NEO1: variants seen among roughly 807,000 people sequenced by gnomAD.
NEO1 encodes neogenin.
A neutral mutation model predicts 159.7 loss-of-function variants in NEO1; 63 were observed. The observed-to-expected ratio is 0.39, with a 90% CI of 0.32 to 0.49. NEO1 has a LOEUF of 0.49. Among genes scored for constraint, NEO1 ranks in the 20% least tolerant of loss-of-function variants. NEO1 has a pLI of 0.85. For synonymous variants in NEO1, 633 were observed against 662.0 expected, an observed-to-expected ratio of 0.96 and a Z score of 0.67; for missense variants, 1,615 against 1,831.0, an observed-to-expected ratio of 0.88 and a Z score of 2.15.
chr15:73,221,408 C>G (rs985276533), intron 7 of NEO1, among the ~76,000 whole-genome samples: 8 of 152,184 alleles, frequency 5.3e-5, no homozygotes, highest in Admixed American at 1.3e-4. Flanking sequence ...GCAGTCTGCC[C>G]GTTCTCAGAT....
intron 1 of NEO1, among the ~76,000 whole-genome samples, chr15:73,081,175 C>T (rs1267850283): frequency 6.6e-6 from 1 of 152,132 alleles, no homozygotes; most frequent in Non-Finnish European, 1.5e-5. Context: ...ATCTCTCTCC[C>T]CTTTTTCTCA....
intron 5 of NEO1, 99 bp from the exon 6 acceptor site, chr15:73,176,303 TA>T: frequency 3.8e-6 from 3 of 783,706 alleles, no homozygotes; most frequent in Non-Finnish European, 5.5e-6. Context: ...AAATAATGAG[TA>T]AAAATCCTGT....
chr15:73,052,308 C>T (rs1459172187), upstream of NEO1, among the ~76,000 whole-genome samples: 43 of 145,168 alleles, frequency 3.0e-4, no homozygotes, highest in African/African-American at 1.1e-3. Context: ...CCCCCGCCCC[C>T]GCCCCCGCCC....
chr15:73,189,538 CCTT>C (rs5813707), intron 7 of NEO1, among the ~76,000 whole-genome samples: 47,740 of 151,934 alleles, frequency 0.31, 8,603 homozygotes, highest in Admixed American at 0.44. Context: ...ATCTTCAAAA[CCTT>C]CTTTAAAAAT....
chr15:73,203,589 A>G (rs998469375), intron 7 of NEO1, among the ~76,000 whole-genome samples: 5 of 152,076 alleles, frequency 3.3e-5, no homozygotes, highest in African/African-American at 4.8e-5. Context: ...AGTACTTTAT[A>G]TAATCTTATC....
In NEO1 at chr15:73,088,257, A is replaced by T. The variant is rs74923401; in HGVS notation, c.131-28283A>T. On this transcript the variant is annotated intron_variant, in intron 1 of 28. Coordinates refer to ENST00000261908, the MANE Select transcript of NEO1 (RefSeq NM_002499.4). ...AGGGAAAGACTAAAGAAATTTTTCT[A>T]TGAGACATCTTTGTAGATCAGGGCA... Among the ~76,000 whole-genome samples the T allele has an allele frequency of 4.4e-4, 67 of 152,132 alleles. No homozygotes were observed. In the East Asian group the frequency reaches 0.012, roughly 27 times the overall value.
Position 73,064,370 on chromosome 15 carries a change from TTCTC to T in NEO1, c.130+11573_130+11576del, listed in dbSNP as rs748756002. ...CTTGTTCTATTTAAATTAGTTCATA[TTCTC>T]TCTCTCTTTGTCTCTCTCATTCTCA... is the stretch of plus-strand genomic sequence containing the variant. On this transcript the variant is annotated intron_variant, in intron 1 of 28. Transcript: ENST00000261908. Among the ~76,000 whole-genome samples the T allele has an allele frequency of 2.6e-5, 4 of 152,188 alleles. No individual in the cohort carries two copies. The East Asian group carries it at 7.7e-4, about 29-fold the overall frequency.
intron 26 of NEO1, among the ~76,000 whole-genome samples, chr15:73,297,993 G>GATTCC (rs1255276543): frequency 6.6e-6 from 1 of 152,218 alleles, no homozygotes; most frequent in Non-Finnish European, 1.5e-5. Context: ...CACTGTCTAA[G>GATTCC]ATTCCAGTGA....
chr15:73,136,476 C>T (rs1416742477), intron 5 of NEO1, among the ~76,000 whole-genome samples: 4 of 152,056 alleles, frequency 2.6e-5, no homozygotes, highest in African/African-American at 4.8e-5. Flanking sequence ...CTGATGAAGA[C>T]GTCTCTGTTC....
intron 15 of NEO1, among the ~76,000 whole-genome samples, chr15:73,263,190 C>CTTTTTT (rs33959030): frequency 8.1e-6 from 1 of 124,180 alleles, no homozygotes; most frequent in Non-Finnish European, 1.7e-5. Context: ...TCATAGTTGA[C>CTTTTTT]TTTTTTTTTT....
At chr15:73,243,383 T>G (rs1290960399) in intron 8 of NEO1, among the ~76,000 whole-genome samples, 1 of 152,216 alleles carries the variant, frequency 6.6e-6, no homozygotes, top group African/African-American at 2.4e-5. Flanking sequence ...TTCAATAAAT[T>G]AGAATAATTT....
At chr15:73,158,474 T>C (rs1050765327) in intron 5 of NEO1, among the ~76,000 whole-genome samples, 1 of 152,014 alleles carries the variant, frequency 6.6e-6, no homozygotes, top group Non-Finnish European at 1.5e-5. Context: ...CATCGCTCAC[T>C]GCAGCCTTGA....
chr15:73,103,155 C>A (rs2070492743), intron 1 of NEO1, among the ~76,000 whole-genome samples: 1 of 152,160 alleles, frequency 6.6e-6, no homozygotes, highest in Non-Finnish European at 1.5e-5. Context: ...ACAGTGGCTT[C>A]CCAACTGGTT....
chr15:73,145,400 C>G (rs887225036), intron 5 of NEO1, among the ~76,000 whole-genome samples: 3 of 152,188 alleles, frequency 2.0e-5, no homozygotes, highest in African/African-American at 7.2e-5. Context: ...TTAAAACTCA[C>G]ACATTCATTG....
At chr15:73,101,005 G>A (rs1470555045) in intron 1 of NEO1, among the ~76,000 whole-genome samples, 1 of 152,124 alleles carries the variant, frequency 6.6e-6, no homozygotes, top group Non-Finnish European at 1.5e-5. Flanking sequence ...CTACTCATAT[G>A]TTCATTCTTC....
At chr15:73,288,942 A>G in intron 24 of NEO1, 1 of 581,394 alleles carries the variant, frequency 1.7e-6, no homozygotes. Flanking sequence ...GGTGGGCAGC[A>G]TTGTGACATC....
intron 5 of NEO1, among the ~76,000 whole-genome samples, chr15:73,165,991 G>C (rs544386359): frequency 9.9e-4 from 151 of 152,250 alleles, no homozygotes; most frequent in African/African-American, 3.4e-3. Context: ...TTTCTTATCT[G>C]TGTGGCTGTG....
At chr15:73,175,974 T>TTTG (rs1251683023) in intron 5 of NEO1, among the ~76,000 whole-genome samples, 1 of 152,158 alleles carries the variant, frequency 6.6e-6, no homozygotes. Flanking sequence ...TTTATTTTAC[T>TTTG]TTGTTGTTGT....
chr15:73,302,631 C>G lies in NEO1; in HGVS notation c.4321C>G (p.Leu1441Val). ...TCCATAGAGCTATGAACCAGATGAG[C>G]TGACCAAAGAGATGGCCCACCTGGA... ...DSESSYEPDE[L>V]TKEMAHLEGL... is the part of the protein sequence containing the mutation. Residue 1441 changes from leucine (L) to valine (V), a missense_variant, in exon 29 of 29, where the codon CTG (leucine) becomes GTG (valine). Around this residue, in one of 3 missense-constraint regions of NEO1, gnomAD observed 471 missense variants for 498.9 expected, o/e 0.94. Transcript: ENST00000261908. 6.2e-7 allele frequency: 1 copy of G among 1,614,024 alleles called. No individual in the cohort carries two copies. The highest frequency in any genetic ancestry group is 1.7e-5 in the Admixed American group (1 of 60,000).
Sources: allele counts gnomAD v4.1 joint callset (sites outside exome capture counted in the v4.1 genomes callset), GRCh38; gene constraint gnomAD v4.1.1; regional missense constraint gnomAD v4.1.1; transcripts MANE v1.5; gene names NCBI Gene and HGNC (gene_info 2026-07-23, HGNC 2026-07-21).